The following NCAM2 variants were observed in gnomAD, a reference collection of about 807,000 sequenced individuals.
NCAM2 encodes N-CAM-2.
NCAM2 carries 30 observed loss-of-function variants against 98.1 expected under a neutral mutation model. The ratio of observed to expected loss-of-function variants is 0.31; its 90% confidence interval spans 0.23 to 0.41. The LOEUF is 0.41. NCAM2 is among the 10% of genes least tolerant of loss of function. NCAM2 has a pLI of 1.00. For missense variants in NCAM2, 867 were observed against 1,005.8 expected, an observed-to-expected ratio of 0.86 and a Z score of 1.87; for synonymous variants, 368 against 342.4, an observed-to-expected ratio of 1.07 and a Z score of -0.83.
chr21:21,227,655 T>C (rs2070442497), intron 1 of NCAM2, among the ~76,000 whole-genome samples: 1 of 151,792 alleles, frequency 6.6e-6, no homozygotes, highest in African/African-American at 2.4e-5. Flanking sequence ...TAAAACGAGG[T>C]GGTTTATTTC....
intron 16 of NCAM2, among the ~76,000 whole-genome samples, chr21:21,511,979 CGT>C (rs1371742977): frequency 2.0e-5 from 3 of 151,584 alleles, no homozygotes; most frequent in Non-Finnish European, 3.0e-5. Flanking sequence ...TTGAGATGCT[CGT>C]ATATACTGGT....
intron 12 of NCAM2, among the ~76,000 whole-genome samples, chr21:21,435,261 C>T (rs902118032): frequency 6.6e-6 from 1 of 152,098 alleles, no homozygotes; most frequent in Non-Finnish European, 1.5e-5. Flanking sequence ...TTTTCTTTCT[C>T]CTCATTTTAA....
chr21:21,229,820 A>G (rs1343059579), intron 1 of NCAM2, among the ~76,000 whole-genome samples: 1 of 151,346 alleles, frequency 6.6e-6, no homozygotes, highest in Non-Finnish European at 1.5e-5. Flanking sequence ...TTTTTCATGA[A>G]CCAAAAATAT....
chr21:21,131,847 G>T (rs867375655), intron 1 of NCAM2, among the ~76,000 whole-genome samples: 4 of 152,204 alleles, frequency 2.6e-5, no homozygotes, highest in African/African-American at 9.6e-5. Flanking sequence ...TACTAGAAAA[G>T]ATTCTGTATA....
At chr21:21,527,865 G>T (rs986150440) in intron 16 of NCAM2, among the ~76,000 whole-genome samples, 1 of 152,180 alleles carries the variant, frequency 6.6e-6, no homozygotes, top group Admixed American at 6.5e-5. Context: ...CAAAGAAGTT[G>T]AAAGTGTATG....
chr21:21,168,683 C>T (rs540989622), intron 1 of NCAM2, among the ~76,000 whole-genome samples: 2 of 131,466 alleles, frequency 1.5e-5, no homozygotes, highest in Admixed American at 7.6e-5. Flanking sequence ...GAAACTAAAA[C>T]ACATTACTAT....
chr21:21,418,467 T>C lies in NCAM2; in HGVS notation c.1384-6T>C. 1 of 1,590,472 alleles carries C rather than the reference T, an allele frequency of 6.3e-7. No individual in the cohort carries two copies. Among genetic ancestry groups the C allele is most frequent in the Non-Finnish European group, 8.6e-7 (1 of 1,159,422 alleles). ...ATTGTAACATTTGTTATTATAATTA[T>C]TTCAGATTGCACCTACATCTGACAA... On this transcript the variant is annotated splice_polypyrimidine_tract_variant and splice_region_variant and intron_variant, in intron 10 of 17. Transcript: ENST00000400546.
At chr21:21,160,775 A>G (rs915750022) in intron 1 of NCAM2, among the ~76,000 whole-genome samples, 3 of 152,016 alleles carry the variant, frequency 2.0e-5, no homozygotes, top group African/African-American at 4.8e-5. Context: ...TATTAAATGG[A>G]GTATCTGCAT....
At chr21:21,192,863 T>G (rs1422251908) in intron 1 of NCAM2, among the ~76,000 whole-genome samples, 3 of 152,060 alleles carry the variant, frequency 2.0e-5, no homozygotes, top group African/African-American at 7.2e-5. Flanking sequence ...AGAAAGAGGT[T>G]TCCTGGACCA....
chr21:21,486,435 T>A (rs141556766), intron 15 of NCAM2, among the ~76,000 whole-genome samples: 179 of 151,614 alleles, frequency 1.2e-3, no homozygotes, highest in African/African-American at 4.0e-3. Context: ...TAAATCACCA[T>A]AACCAATATT....
chr21:21,012,181 A>T (rs950537544), intron 1 of NCAM2, among the ~76,000 whole-genome samples: 1 of 152,176 alleles, frequency 6.6e-6, no homozygotes, highest in Non-Finnish European at 1.5e-5. Flanking sequence ...AGAGACTTAA[A>T]ATATTAATAA....
At chr21:21,231,315 C>G (rs1228896851) in intron 1 of NCAM2, among the ~76,000 whole-genome samples, 2 of 151,156 alleles carry the variant, frequency 1.3e-5, no homozygotes, top group African/African-American at 2.4e-5. Flanking sequence ...GGCAGTTATC[C>G]CTTTTATAAT....
chr21:21,527,876 T>C (rs1989413963), intron 16 of NCAM2, among the ~76,000 whole-genome samples: 1 of 152,218 alleles, frequency 6.6e-6, no homozygotes, highest in Non-Finnish European at 1.5e-5. Flanking sequence ...AAAGTGTATG[T>C]CTACACCAAA....
intron 1 of NCAM2, among the ~76,000 whole-genome samples, chr21:21,231,711 A>G (rs1157863150): frequency 6.6e-6 from 1 of 151,364 alleles, no homozygotes; most frequent in Non-Finnish European, 1.5e-5. Context: ...ATAATGAGAT[A>G]TTATTTATGG....
rs143810850 is a variant in NCAM2, at chr21:21,191,092, T to C, written c.56-89486T>C. ...AAAAGCTAATTATAAATTGAGGCCA[T>C]GTGAGGGAAACTGTCAGGAGGTCCC... is the stretch of plus-strand genomic sequence containing the variant. On this transcript the variant is annotated intron_variant, in intron 1 of 17. Coordinates refer to ENST00000400546, the MANE Select transcript of NCAM2 (RefSeq NM_004540.5). Among the ~76,000 whole-genome samples the C allele has an allele frequency of 4.3e-4, 65 of 152,304 alleles. No homozygotes were observed. The East Asian group carries it at 0.01, about 24-fold the overall frequency.
chr21:21,457,679 A>C (rs1051264112), intron 12 of NCAM2, among the ~76,000 whole-genome samples: 1 of 151,642 alleles, frequency 6.6e-6, no homozygotes, highest in Non-Finnish European at 1.5e-5. Context: ...CAGGTACACT[A>C]TGTTAGTATG....
At chr21:21,029,766 G>T (rs1404360041) in intron 1 of NCAM2, among the ~76,000 whole-genome samples, 2 of 151,922 alleles carry the variant, frequency 1.3e-5, no homozygotes, top group Non-Finnish European at 2.9e-5. Flanking sequence ...GAGTAGCTGG[G>T]GCTGCAAGTG....
intron 1 of NCAM2, among the ~76,000 whole-genome samples, chr21:21,073,304 T>G (rs2065611613): frequency 6.6e-6 from 1 of 152,212 alleles, no homozygotes; most frequent in Admixed American, 6.5e-5. Context: ...CTGAAAACAC[T>G]AATTGTTAAG....
At chr21:21,013,777 A>G (rs914997854) in intron 1 of NCAM2, among the ~76,000 whole-genome samples, 3 of 110,618 alleles carry the variant, frequency 2.7e-5, no homozygotes, top group African/African-American at 6.8e-5. Flanking sequence ...GTGAAACTGC[A>G]TCTCAAAAAA....
Sources: gnomAD v4.1 joint callset for allele counts (sites outside exome capture counted in the v4.1 genomes callset) on GRCh38, gnomAD v4.1.1 for gene constraint, MANE v1.5 for transcripts, NCBI Gene and HGNC (gene_info 2026-07-23, HGNC 2026-07-21) for gene names.